The following PLXNC1 variants were observed in gnomAD, a reference collection of about 807,000 sequenced individuals.
The protein encoded by PLXNC1 is plexin C1.
Under a neutral mutation model 178.2 loss-of-function variants are expected in PLXNC1, and 75 were observed. The ratio of observed to expected loss-of-function variants is 0.42; its 90% CI spans 0.35 to 0.51. PLXNC1 has a LOEUF of 0.51. Among genes scored for constraint, PLXNC1 ranks in the 20% least tolerant of loss-of-function variants. PLXNC1 has a pLI of 0.02. For synonymous variants in PLXNC1, 790 were observed against 779.9 expected, an observed-to-expected ratio of 1.01 and a Z score of -0.22; for missense variants, 1,503 against 1,984.4, an observed-to-expected ratio of 0.76 and a Z score of 4.61.
At chr12:94,237,327 A>G (rs1212795526) in intron 9 of PLXNC1, among the ~76,000 whole-genome samples, 9 of 152,188 alleles carry the variant, frequency 5.9e-5, no homozygotes, top group Non-Finnish European at 1.5e-5. Flanking sequence ...TTTTGCTTAC[A>G]TTGTGAGCCT....
intron 1 of PLXNC1, among the ~76,000 whole-genome samples, chr12:94,162,576 G>T (rs1384527719): frequency 6.6e-6 from 1 of 152,122 alleles, no homozygotes; most frequent in Non-Finnish European, 1.5e-5. Flanking sequence ...AGTTAAAAGG[G>T]AGACACCAAG....
intron 4 of PLXNC1, among the ~76,000 whole-genome samples, chr12:94,197,832 G>A (rs1357903604): frequency 6.6e-6 from 1 of 152,200 alleles, no homozygotes; most frequent in Admixed American, 6.5e-5. Flanking sequence ...ATGGCAGTGG[G>A]TGGAGAGGGG....
chr12:94,229,951 C>A (rs539647781), intron 9 of PLXNC1, among the ~76,000 whole-genome samples: 1 of 152,268 alleles, frequency 6.6e-6, no homozygotes, highest in African/African-American at 2.4e-5. Flanking sequence ...ATCTTTTACC[C>A]AGTTTCCTTC....
At chr12:94,220,743 C>G (rs1963772252) in intron 6 of PLXNC1, among the ~76,000 whole-genome samples, 1 of 152,180 alleles carries the variant, frequency 6.6e-6, no homozygotes, top group African/African-American at 2.4e-5. Context: ...AAAAATGTAC[C>G]TTACCAGACA....
chr12:94,263,106 G>T (rs955211046), intron 20 of PLXNC1, among the ~76,000 whole-genome samples: 4 of 152,176 alleles, frequency 2.6e-5, no homozygotes, highest in African/African-American at 9.7e-5. Flanking sequence ...AGCGGCTGTG[G>T]CTCGCCTAAA....
At chr12:94,285,546 C>T (rs1966788028) in intron 23 of PLXNC1, among the ~76,000 whole-genome samples, 3 of 152,188 alleles carry the variant, frequency 2.0e-5, no homozygotes, top group Non-Finnish European at 2.9e-5. Flanking sequence ...TTGCCAAGAG[C>T]AGTCGTTCTT....
intron 28 of PLXNC1, among the ~76,000 whole-genome samples, chr12:94,302,888 TTGAA>T (rs897220583): frequency 2.0e-5 from 3 of 152,202 alleles, no homozygotes; most frequent in African/African-American, 7.2e-5. Flanking sequence ...ATAATGTTTA[TTGAA>T]TGAATGAATG....
At chr12:94,208,094 G>A (rs1963356169) in intron 4 of PLXNC1, among the ~76,000 whole-genome samples, 2 of 152,170 alleles carry the variant, frequency 1.3e-5, no homozygotes, top group African/African-American at 4.8e-5. Context: ...AACTCTCTCT[G>A]ACATTGACAG....
intron 23 of PLXNC1, among the ~76,000 whole-genome samples, chr12:94,287,987 A>G (rs949143946): frequency 1.3e-5 from 2 of 152,290 alleles, no homozygotes; most frequent in South Asian, 4.1e-4. Flanking sequence ...TCCTTCACTG[A>G]TGCCTCAAGG....
chr12:94,282,186 C>T, intron 22 of PLXNC1, 112 bp from the exon 23 acceptor site: 1 of 732,068 alleles, frequency 1.4e-6, no homozygotes, highest in Non-Finnish European at 2.4e-6. Context: ...ATCTCTACAC[C>T]TTCAAACAAA....
chr12:94,292,658 AATTT>A (rs1268226915), intron 23 of PLXNC1, among the ~76,000 whole-genome samples: 7 of 152,328 alleles, frequency 4.6e-5, no homozygotes, highest in East Asian at 1.9e-4. Flanking sequence ...TTAAACACAG[AATTT>A]ATTTATGTTT....
intron 26 of PLXNC1, among the ~76,000 whole-genome samples, chr12:94,297,985 C>G (rs1224483129): frequency 6.6e-6 from 1 of 151,754 alleles, no homozygotes; most frequent in Non-Finnish European, 1.5e-5. Context: ...TTTTTTCCTC[C>G]CCCTCTGGAA....
At chr12:94,153,037 T>A (rs551232488) in intron 1 of PLXNC1, among the ~76,000 whole-genome samples, 1 of 152,392 alleles carries the variant, frequency 6.6e-6, no homozygotes, top group South Asian at 2.1e-4. Context: ...CTCTCTCTAA[T>A]AATCTTCTGT....
chr12:94,165,725 C>A (rs1459901509), intron 1 of PLXNC1, among the ~76,000 whole-genome samples: 1 of 152,074 alleles, frequency 6.6e-6, no homozygotes, highest in Non-Finnish European at 1.5e-5. Context: ...AGTTGAAGGT[C>A]TGCGGCTCAG....
chr12:94,222,758 C>T (rs968949176), intron 6 of PLXNC1, among the ~76,000 whole-genome samples: 1 of 152,018 alleles, frequency 6.6e-6, no homozygotes, highest in African/African-American at 2.4e-5. Flanking sequence ...TCACCGGACA[C>T]TTATAGATTC....
chr12:94,242,865 ACT>A (rs1255069166), intron 11 of PLXNC1, among the ~76,000 whole-genome samples: 1 of 151,980 alleles, frequency 6.6e-6, no homozygotes, highest in Non-Finnish European at 1.5e-5. Flanking sequence ...GGTTCAAACA[ACT>A]CACCCCAGCC....
At chr12:94,233,501 T>C (rs1221596107) in intron 9 of PLXNC1, among the ~76,000 whole-genome samples, 2 of 152,194 alleles carry the variant, frequency 1.3e-5, no homozygotes, top group African/African-American at 4.8e-5. Flanking sequence ...GTCAGCCTCC[T>C]TTTAGAGTCT....
chr12:94,196,954 T>A (rs1165565538), intron 4 of PLXNC1, among the ~76,000 whole-genome samples: 1 of 152,210 alleles, frequency 6.6e-6, no homozygotes, highest in African/African-American at 2.4e-5. Context: ...GATCTTACAG[T>A]TCTGGAGGTC....
chr12:94,187,190 G>GAAA (rs775035304), intron 4 of PLXNC1, among the ~76,000 whole-genome samples: 63 of 85,152 alleles, frequency 7.4e-4, no homozygotes, highest in East Asian at 4.0e-3. Context: ...GAGAGAGAGA[G>GAAA]AGAAAAAAAA....
Sources: gnomAD v4.1 joint callset for allele counts (sites outside exome capture counted in the v4.1 genomes callset) on GRCh38, gnomAD v4.1.1 for gene constraint, MANE v1.5 for transcripts, NCBI Gene and HGNC (gene_info 2026-07-23, HGNC 2026-07-21) for gene names.